INTS8: variants seen among roughly 807,000 people sequenced by gnomAD.
The protein encoded by INTS8 is integrator complex subunit 8.
A neutral mutation model predicts 138.9 loss-of-function variants in INTS8; 47 were observed. The ratio of observed to expected loss-of-function variants is 0.34; its 90% confidence interval spans 0.27 to 0.43. INTS8 has a LOEUF of 0.43. Ranked by LOEUF, INTS8 falls within the 20% of genes least tolerant of loss-of-function variation. The pLI is 1.00. For synonymous variants in INTS8, 392 were observed against 400.9 expected, an observed-to-expected ratio of 0.98 and a Z score of 0.27; for missense variants, 996 against 1,173.0, an observed-to-expected ratio of 0.85 and a Z score of 2.20.
intron 16 of INTS8, among the ~76,000 whole-genome samples, chr8:94,860,579 CAAAAAAAAAAA>C (rs58945163): frequency 2.5e-5 from 1 of 39,458 alleles, no homozygotes; most frequent in Non-Finnish European, 4.7e-5. Flanking sequence ...AACTCTACCT[CAAAAAAAAAAA>C]AAAAAAAAAA....
chr8:94,827,662 A>T, intron 3 of INTS8, 60 bp from the exon 4 acceptor site: 1 of 1,422,492 alleles, frequency 7.0e-7, no homozygotes, highest in South Asian at 1.2e-5. Flanking sequence ...AGTACTTGAA[A>T]AAATAATTGA....
chr8:94,837,217 T>C (rs1417358340), intron 7 of INTS8, among the ~76,000 whole-genome samples: 1 of 152,214 alleles, frequency 6.6e-6, no homozygotes, highest in African/African-American at 2.4e-5. Flanking sequence ...TGGTGAAATA[T>C]AGTATCTTTT....
rs756621480 is a variant in INTS8 at position 94,871,983 on chromosome 8, C to G, written c.2514C>G (p.Ile838Met). 3.9e-6 allele frequency: 6 copies of G among 1,550,066 alleles called. No homozygotes were observed. The East Asian group carries it at 1.4e-4, about 35-fold the overall frequency. Residue 838 changes from isoleucine (I) to methionine (M), a missense_variant, in exon 21 of 27, where the codon ATC becomes ATG. By Grantham distance (10) the Ile-to-Met change is conservative. Transcript: ENST00000523731. ...INPNNHSWLI[I>M]QADIYFATNQ... ...CAAATAACCATTCTTGGTTAATTAT[C>G]CAGGCAGATATTTACTTTGGTAAGT...
chr8:94,853,831 T>C lies in INTS8; in HGVS notation c.1668T>C (p.Gly556=), dbSNP rs1441216023. ...NKWEVPSVYS[G]VILGIKDNLT... is the part of the protein sequence containing the mutation. ...GGGAAGTACCTTCTGTCTATAGTGGTGTTATCCTGGGAATTAAAGACAATT... is the reference window on the plus strand; with the variant it reads ...GGGAAGTACCTTCTGTCTATAGTGGCGTTATCCTGGGAATTAAAGACAATT... Residue 556 remains glycine (G), a synonymous_variant, in exon 14 of 27, where the codon GGT becomes GGC. Coordinates refer to ENST00000523731, the MANE Select transcript of INTS8 (RefSeq NM_017864.4). The C allele has an allele frequency of 6.2e-7, 1 of 1,609,618 alleles. No homozygotes were observed. The highest frequency in any genetic ancestry group is 8.5e-7 in the Non-Finnish European group (1 of 1,176,038).
At chr8:94,825,152 T>A (rs1157193958) in intron 2 of INTS8, 85 bp downstream of exon 2, 1 of 992,340 alleles carries the variant, frequency 1.0e-6, no homozygotes, top group African/African-American at 1.6e-5. Context: ...TGATATCGGC[T>A]CTTAAAAATT....
At chr8:94,874,351 T>G (rs1217420027) in intron 22 of INTS8, among the ~76,000 whole-genome samples, 2 of 152,190 alleles carry the variant, frequency 1.3e-5, no homozygotes, top group African/African-American at 2.4e-5. Flanking sequence ...AAAATAAGAT[T>G]GAACATTTAT....
At position 94,827,878 on chromosome 8, in the gene INTS8, T is replaced by C. The variant is rs1215385973; in HGVS notation, c.518+85T>C. The C allele has an allele frequency of 5.6e-6, 6 of 1,077,060 alleles. No homozygotes were observed. The East Asian group carries it at 1.2e-4, about 21-fold the overall frequency. 66.7% of individuals were successfully genotyped at this position (1,077,060 alleles called of 1,614,324 possible). A position where few individuals can be genotyped will look rare whatever the true frequency, so the allele number is the denominator to read the frequency against. On this transcript the variant is annotated intron_variant, in intron 4 of 26. Coordinates refer to ENST00000523731, the MANE Select transcript of INTS8 (RefSeq NM_017864.4). ...TGCAAGTTTTTAATAACCTCTGTTA[T>C]AGAAGAAGTAGAGCAGGAATAGGAG...
intron 16 of INTS8, chr8:94,859,946 CTGATGGAGT>C: frequency 4.8e-6 from 1 of 208,824 alleles, no homozygotes; most frequent in Non-Finnish European, 9.8e-6. Flanking sequence ...CACTCTAGAA[CTGATGGAGT>C]CCGTCAGGGA....
At chr8:94,867,970 T>A (rs1272041222) in intron 20 of INTS8, 1 of 152,236 alleles carries the variant, frequency 6.6e-6, no homozygotes, top group African/African-American at 2.4e-5. Flanking sequence ...CTTTTACAAG[T>A]ATCTATTTGA....
At chr8:94,862,038 T>G (rs1290603960) in intron 16 of INTS8, among the ~76,000 whole-genome samples, 3 of 151,996 alleles carry the variant, frequency 2.0e-5, no homozygotes, top group African/African-American at 7.2e-5. Context: ...CCTCCCAGTT[T>G]CAACCCATTC....
At chr8:94,871,117 T>C (rs543269594) in intron 20 of INTS8, among the ~76,000 whole-genome samples, 61 of 152,198 alleles carry the variant, frequency 4.0e-4, no homozygotes, top group African/African-American at 1.4e-3. Flanking sequence ...CAAGGCAACA[T>C]TGTCAGTGTC....
intron 2 of INTS8, among the ~76,000 whole-genome samples, chr8:94,826,209 A>G (rs1296510542): frequency 6.6e-6 from 1 of 152,166 alleles, no homozygotes; most frequent in Non-Finnish European, 1.5e-5. Flanking sequence ...AAGAGTTTAT[A>G]TTCTCACCAG....
At chr8:94,834,628 C>T (rs374463050) in intron 6 of INTS8, among the ~76,000 whole-genome samples, 5 of 150,464 alleles carry the variant, frequency 3.3e-5, no homozygotes, top group South Asian at 2.1e-4. Context: ...CGCTTGAACC[C>T]GAAAGAGGAG....
intron 8 of INTS8, among the ~76,000 whole-genome samples, chr8:94,839,261 C>T (rs1271967705): frequency 1.3e-5 from 2 of 152,100 alleles, no homozygotes; most frequent in African/African-American, 4.8e-5. Context: ...TTTTATTGTG[C>T]GCGCCCCACC....
chr8:94,824,826 A>T, intron 1 of INTS8, 67 bp from the exon 2 acceptor site: 1 of 378,132 alleles, frequency 2.6e-6, no homozygotes, highest in Non-Finnish European at 4.0e-6. Context: ...CCAAACCAAT[A>T]GTGAATCCTT....
chr8:94,850,614 A>T (rs1485769100), intron 12 of INTS8, among the ~76,000 whole-genome samples: 2 of 95,936 alleles, frequency 2.1e-5, no homozygotes, highest in Non-Finnish European at 4.9e-5. Flanking sequence ...TCCGACTCAA[A>T]AAAAAAAAAA....
intron 2 of INTS8, 125 bp downstream of exon 2, chr8:94,825,192 A>G (rs1814445125): frequency 8.1e-6 from 5 of 617,538 alleles, no homozygotes; most frequent in East Asian, 3.2e-5. Flanking sequence ...TCACGCCTAT[A>G]ATAATCCCGG....
At chr8:94,832,392 C>T (rs929150117) in intron 6 of INTS8, among the ~76,000 whole-genome samples, 9 of 151,996 alleles carry the variant, frequency 5.9e-5, no homozygotes, top group South Asian at 2.1e-4. Context: ...AAATAGTTTC[C>T]GGATTGTATT....
rs139503960 is a variant in INTS8 at position 94,865,468 on chromosome 8, C to T, written c.2077-38C>T. 7.6e-4 allele frequency: 1,181 copies of T among 1,548,268 alleles called. 11 individuals carry two copies. In the African/African-American group the frequency reaches 0.015, roughly 19 times the overall value. ...AATAGAACTAATGTGCACGACATTA[C>T]AGATTATCTTTTGTGTATTTTGTTT... is the stretch of plus-strand genomic sequence containing the variant. On this transcript the variant is annotated intron_variant, in intron 16 of 26. Coordinates refer to ENST00000523731, the MANE Select transcript of INTS8 (RefSeq NM_017864.4).
Sources: allele counts gnomAD v4.1 joint callset (sites outside exome capture counted in the v4.1 genomes callset), GRCh38; gene constraint gnomAD v4.1.1; transcripts MANE v1.5; gene names NCBI Gene and HGNC (gene_info 2026-07-23, HGNC 2026-07-21).